Variants in TOP2B observed in about 807,000 individuals in gnomAD.
TOP2B encodes the protein DNA topoisomerase 2-beta.
TOP2B carries 51 observed loss-of-function variants against 193.5 expected under a neutral mutation model. That is an observed-to-expected ratio of 0.26 (90% CI 0.21 to 0.33). The LOEUF (loss-of-function observed/expected upper bound fraction) is 0.33, where lower values mean the gene tolerates loss of function less well. TOP2B is among the 10% of genes least tolerant of loss of function. The pLI, the probability that TOP2B is intolerant of heterozygous loss-of-function variation, is 1.00. For missense variants in TOP2B, 1,378 were observed against 1,909.3 expected (o/e 0.72, Z 5.19); for synonymous variants, 634 against 635.7 (o/e 1.00, Z 0.04).
rs372310695 is a variant in TOP2B at position 25,624,437 on chromosome 3, C to T, written c.2355G>A (p.Leu785=). The T allele has an allele frequency of 2.5e-6, 4 of 1,613,576 alleles. No homozygotes were observed. In the African/African-American group the frequency reaches 4.0e-5, roughly 16 times the overall value. The change falls in exon 20 of 36, where the codon TTG becomes TTA. Residue 785 remains leucine, a synonymous_variant. Coordinates refer to ENST00000264331, the MANE Select transcript of TOP2B (RefSeq NM_001330700.2). ...MSAYHHGEQA[L]MMTIVNLAQN... ...GAGCCAAATTCACAATAGTCATCAT[C>T]AATGCTTGCTATACAACAGAAGAAG... is the stretch of plus-strand genomic sequence containing the variant.
At chr3:25,609,740 C>T (rs200528337) in intron 28 of TOP2B, 28 bp from the exon 29 acceptor site, 81 of 1,411,478 alleles carry the variant, frequency 5.7e-5, no homozygotes, top group Admixed American at 1.4e-4. Context: ...AATCAAGCCA[C>T]GAGTAAAAAT....
Position 25,601,137 on chromosome 3 carries a change from T to TGAATCC in TOP2B, c.4572_4577dup (p.Asp1525_Ser1526dup). On this transcript the variant is annotated inframe_insertion, in exon 34 of 36. Transcript: ENST00000264331. ...TAGTCTTCTTTGGAATGCCAAATTC[T>TGAATCC]GAATCCGAGTCAGAGTTTACAGCCT... 1 of 1,613,848 alleles carries TGAATCC rather than the reference T, an allele frequency of 6.2e-7. No individual in the cohort carries two copies. Among genetic ancestry groups the TGAATCC allele is most frequent in the African/African-American group, 1.3e-5 (1 of 75,064 alleles).
chr3:25,652,732 A>G (rs1480776930), intron 1 of TOP2B, among the ~76,000 whole-genome samples: 1 of 152,178 alleles, frequency 6.6e-6, no homozygotes, highest in East Asian at 1.9e-4. Flanking sequence ...ACCTAACTTT[A>G]GACCCTTTCA....
downstream of TOP2B, chr3:25,597,919 A>ATATT (rs1016398371): frequency 7.9e-4 from 122 of 154,042 alleles, no homozygotes; most frequent in Non-Finnish European, 7.4e-4. Flanking sequence ...AGAATAAAAT[A>ATATT]TATTTATTTT....
chr3:25,598,602 G>C, intron 35 of TOP2B, 125 bp from the exon 36 acceptor site: 1 of 691,310 alleles, frequency 1.4e-6, no homozygotes, highest in Admixed American at 3.8e-5. Flanking sequence ...TTTAAAATTA[G>C]AATCATAATG....
chr3:25,599,642 G>C (rs979826252), intron 34 of TOP2B, 113 bp from the exon 35 acceptor site: 2 of 935,114 alleles, frequency 2.1e-6, no homozygotes, highest in East Asian at 5.3e-5. Context: ...GAGCATTGCA[G>C]TCCTGATCTC....
intron 33 of TOP2B, 24 bp from the exon 34 acceptor site, chr3:25,601,249 C>A: frequency 6.2e-7 from 1 of 1,606,440 alleles, no homozygotes; most frequent in South Asian, 1.1e-5. Flanking sequence ...TTCCATTTCA[C>A]AGGTCAATAT....
rs780971428 is a variant in TOP2B, at chr3:25,664,199, A to G, written c.69+30T>C. On this transcript the variant is annotated intron_variant, in intron 1 of 35. Coordinates refer to ENST00000264331, the MANE Select transcript of TOP2B (RefSeq NM_001330700.2). ...CCCCGCCGCGGGCCCGGAACAATGC[A>G]GCCGCCCGTCCCGGGGACCAGCCAC... 4.0e-5 allele frequency: 61 copies of G among 1,535,918 alleles called. No individual in the cohort carries two copies. The Middle Eastern group carries it at 5.6e-4, about 14-fold the overall frequency.
intron 22 of TOP2B, 28 bp from the exon 23 acceptor site, chr3:25,620,090 T>A: frequency 7.5e-7 from 1 of 1,334,110 alleles, no homozygotes. Flanking sequence ...TTAGTGATTC[T>A]TTTCATGACA....
Position 25,607,296 on chromosome 3 carries a change from A to G in TOP2B, c.4173T>C (p.Asp1391=). Residue 1391 remains aspartate, a synonymous_variant, in exon 31 of 36, where the codon GAT becomes GAC. Transcript: ENST00000264331. ...DADDDDDDNN[D]LEELKVKASP... is the part of the protein sequence containing the mutation. ...ATGCTTTAACTTTCAATTCCTCTAAATCATTATTGTCATCATCATCATCAT... is the reference window on the plus strand; with the variant it reads ...ATGCTTTAACTTTCAATTCCTCTAAGTCATTATTGTCATCATCATCATCAT... 6.4e-7 allele frequency: 1 copy of G among 1,559,762 alleles called. No homozygotes were observed. The highest frequency in any genetic ancestry group is 8.7e-7 in the Non-Finnish European group (1 of 1,150,548).
At chr3:25,601,260 A>C in intron 33 of TOP2B, 35 bp from the exon 34 acceptor site, 1 of 1,592,276 alleles carries the variant, frequency 6.3e-7, no homozygotes, top group Non-Finnish European at 8.5e-7. Context: ...AGGTCAATAT[A>C]CTTACCAACA....
chr3:25,599,599 T>G, intron 34 of TOP2B, 70 bp from the exon 35 acceptor site: 4 of 1,416,308 alleles, frequency 2.8e-6, no homozygotes, highest in Non-Finnish European at 3.9e-6. Context: ...GCCACAACAT[T>G]GTAGTTTATT....
intron 10 of TOP2B, among the ~76,000 whole-genome samples, 154 bp from the exon 11 acceptor site, chr3:25,631,093 T>C (rs546730000): frequency 6.6e-6 from 1 of 152,230 alleles, no homozygotes; most frequent in East Asian, 1.9e-4. Context: ...TACATGCTAA[T>C]CAGCTTTTAC....
chr3:25,630,894 A>T lies in TOP2B; in HGVS notation c.1312T>A (p.Phe438Ile). 1 of 1,605,132 alleles carries T rather than the reference A, an allele frequency of 6.2e-7. No individual in the cohort carries two copies. The highest frequency in any genetic ancestry group is 8.5e-7 in the Non-Finnish European group (1 of 1,176,290). ...IVESILNWVK[F>I]KAQTQLNKKC... ...TTATTCAGCTGAGTCTGAGCCTTAA[A>T]TTTCACCCAGTTCAGGATACTTTCT... The change falls in exon 11 of 36, where the codon TTT becomes ATT. Residue 438 changes from phenylalanine (F) to isoleucine (I), a missense_variant. Physicochemically the swap from Phe to Ile is conservative, Grantham distance 21. Coordinates refer to ENST00000264331, the MANE Select transcript of TOP2B (RefSeq NM_001330700.2).
intron 30 of TOP2B, among the ~76,000 whole-genome samples, chr3:25,608,926 C>A (rs1702301262): frequency 6.6e-6 from 1 of 151,938 alleles, no homozygotes; most frequent in African/African-American, 2.4e-5. Context: ...TACATTTTTT[C>A]CCAAACATCT....
intron 1 of TOP2B, among the ~76,000 whole-genome samples, chr3:25,649,970 A>G (rs2125402301): frequency 6.6e-6 from 1 of 152,344 alleles, no homozygotes; most frequent in African/African-American, 2.4e-5. Flanking sequence ...TCAACTCTGA[A>G]GAACCAAGGG....
chr3:25,612,784 G>A (rs1433376943), intron 27 of TOP2B, 75 bp from the exon 28 acceptor site: 1 of 1,100,696 alleles, frequency 9.1e-7, no homozygotes, highest in Non-Finnish European at 1.3e-6. Flanking sequence ...ATAAAATACT[G>A]AAACAAATGT....
rs748988331 is a variant in TOP2B at position 25,630,309 on chromosome 3, T to C, written c.1563+3A>G. 6 of 1,551,096 alleles carry C rather than the reference T, an allele frequency of 3.9e-6. No individual in the cohort carries two copies. Among genetic ancestry groups the C allele is most frequent in the Admixed American group, 2.0e-5 (1 of 50,962 alleles). ...ACACATATATATACACACACATACATACCTGTTTATGAGAAGCTTCCCGTA... is the reference window on the plus strand; with the variant it reads ...ACACATATATATACACACACATACACACCTGTTTATGAGAAGCTTCCCGTA... On this transcript the variant is annotated splice_donor_region_variant and intron_variant, in intron 12 of 35. Transcript: ENST00000264331.
In TOP2B at chr3:25,624,164, A is replaced by G. The variant is rs1010310215; in HGVS notation, c.2495+133T>C. 20 of 1,095,534 alleles carry G rather than the reference A, an allele frequency of 1.8e-5. No individual in the cohort carries two copies. In the Admixed American group the frequency reaches 4.6e-4, roughly 25 times the overall value. 67.9% of individuals were successfully genotyped at this position (1,095,534 alleles called of 1,614,324 possible). A position where few individuals can be genotyped will look rare whatever the true frequency, so the allele number is the denominator to read the frequency against. On this transcript the variant is annotated intron_variant, in intron 20 of 35. Coordinates refer to ENST00000264331, the MANE Select transcript of TOP2B (RefSeq NM_001330700.2). ...ACTTCATTCTATTTGTGGTCAAATA[A>G]TTTGGAACATTCACCTTCTAAGTAG...
Sources: gnomAD v4.1 joint callset for allele counts (sites outside exome capture counted in the v4.1 genomes callset) on GRCh38, gnomAD v4.1.1 for gene constraint, MANE v1.5 for transcripts, NCBI Gene and HGNC (gene_info 2026-07-23, HGNC 2026-07-21) for gene names.